The following SNRPN variants were observed in gnomAD, a reference collection of about 807,000 sequenced individuals.
The protein encoded by SNRPN is small nuclear ribonucleoprotein-associated protein N.
In SNRPN, 7 loss-of-function variants were observed where a neutral mutation model predicts 25.2. The ratio of observed to expected loss-of-function variants is 0.28; its 90% confidence interval spans 0.16 to 0.52. The LOEUF is 0.52. SNRPN is among the 20% of genes least tolerant of loss of function. The probability of loss-of-function intolerance (pLI) is 0.96; values close to 1 mark genes in which losing one functional copy is unlikely to be tolerated. For synonymous variants in SNRPN, 124 were observed against 110.6 expected, an observed-to-expected ratio of 1.12 and a Z score of -0.76; for missense variants, 196 against 322.5, an observed-to-expected ratio of 0.61 and a Z score of 3.00.
At chr15:24,956,206 T>C (rs933093873) in intron 1 of SNRPN, among the ~76,000 whole-genome samples, 3 of 152,060 alleles carry the variant, frequency 2.0e-5, no homozygotes, top group Non-Finnish European at 2.9e-5. Flanking sequence ...TGGGGGTTAC[T>C]TTTTTTTCAT....
intron 3 of SNRPN, among the ~76,000 whole-genome samples, chr15:24,943,566 AC>A (rs2061692916): frequency 6.6e-6 from 1 of 152,092 alleles, no homozygotes; most frequent in South Asian, 2.1e-4. Context: ...GTAAGATAAC[AC>A]CCAGTTCATG....
chr15:24,872,521 G>A (rs185379901), intron 1 of SNRPN, among the ~76,000 whole-genome samples: 2 of 118,434 alleles, frequency 1.7e-5, no homozygotes, highest in Non-Finnish European at 3.7e-5. Flanking sequence ...CAAGGCGGGC[G>A]GATCACCTGA....
At chr15:24,888,651 C>T (rs192545191) in intron 2 of SNRPN, among the ~76,000 whole-genome samples, 1 of 152,254 alleles carries the variant, frequency 6.6e-6, no homozygotes, top group Admixed American at 6.5e-5. Context: ...AAGCATCAAT[C>T]AGCCAGGGAG....
intron 1 of SNRPN, among the ~76,000 whole-genome samples, chr15:24,960,607 G>A (rs536439913): frequency 6.6e-6 from 1 of 152,134 alleles, no homozygotes; most frequent in East Asian, 1.9e-4. Flanking sequence ...TGCCTCATTG[G>A]GATTTTGATT....
At chr15:24,923,922 CATTTT>C (rs1566917530) in intron 3 of SNRPN, among the ~76,000 whole-genome samples, 2 of 14,812 alleles carry the variant, frequency 1.4e-4, no homozygotes, top group African/African-American at 3.9e-4. Context: ...TGTATATAAA[CATTTT>C]TTTTTTTTTT....
intron 2 of SNRPN, among the ~76,000 whole-genome samples, chr15:24,897,260 C>T (rs1356376312): frequency 1.3e-5 from 2 of 152,184 alleles, no homozygotes; most frequent in Non-Finnish European, 2.9e-5. Flanking sequence ...CACTGACCCA[C>T]AGGAATGGAG....
At chr15:24,913,317 C>T in intron 2 of SNRPN, among the ~76,000 whole-genome samples, 1 of 152,094 alleles carries the variant, frequency 6.6e-6, no homozygotes, top group Admixed American at 6.6e-5. Context: ...AATATTCTAT[C>T]TCAGGGAGTT....
In SNRPN at chr15:24,900,496, C is replaced by G. The variant is rs147124565; in HGVS notation, c.-505+13907C>G. 3.1e-3 allele frequency among the ~76,000 whole-genome samples: 477 copies of G among 152,214 alleles called. 2 individuals are homozygous for G. The highest frequency in any genetic ancestry group is 0.011 in the African/African-American group (448 of 41,522). ...TATTGTTTGAAGAAAATATCTTTCC[C>G]TTGCACAAAAGCTGGGTTAGATACC... On this transcript the variant is annotated intron_variant, in intron 2 of 11. Transcript: ENST00000400097.
chr15:24,850,462 C>CA (rs1304451417), intron 2 of SNRPN: 10 of 152,280 alleles, frequency 6.6e-5, no homozygotes, highest in Admixed American at 6.5e-4. Context: ...AGGCGGCTGC[C>CA]ACCACACCCA....
intron 2 of SNRPN, among the ~76,000 whole-genome samples, chr15:24,908,584 G>A (rs576926984): frequency 1.3e-5 from 1 of 75,952 alleles, no homozygotes. Context: ...AGTGGCAGAG[G>A]ATTTGTTCCT....
intron 4 of SNRPN, chr15:24,974,801 C>T (rs749915715): frequency 6.3e-6 from 4 of 639,384 alleles, no homozygotes; most frequent in Non-Finnish European, 1.1e-5. Flanking sequence ...TCTGGTGATC[C>T]ACCCACCTCG....
intron 3 of SNRPN, among the ~76,000 whole-genome samples, chr15:24,927,119 C>T (rs2060434315): frequency 6.6e-6 from 1 of 151,850 alleles, no homozygotes; most frequent in Admixed American, 6.6e-5. Flanking sequence ...TTTCATTTCT[C>T]CCCCTTTTCT....
chr15:24,855,760 C>G (rs976963172), upstream of SNRPN, among the ~76,000 whole-genome samples: 2 of 144,932 alleles, frequency 1.4e-5, no homozygotes, highest in Non-Finnish European at 3.0e-5. Context: ...CCATTGCACT[C>G]CAGCCTGGGC....
intron 2 of SNRPN, among the ~76,000 whole-genome samples, chr15:24,906,995 C>A (rs1239951785): frequency 6.6e-6 from 1 of 151,456 alleles, no homozygotes; most frequent in Non-Finnish European, 1.5e-5. Flanking sequence ...CAGTTAGGGG[C>A]TTGAAGGGGG....
In SNRPN at chr15:24,976,368, T is replaced by A; in HGVS notation, c.219T>A (p.Arg73=). 1.2e-6 allele frequency: 2 copies of A among 1,613,344 alleles called. No individual in the cohort carries two copies. Among genetic ancestry groups the A allele is most frequent in the Non-Finnish European group, 1.7e-6 (2 of 1,179,830 alleles). The change falls in exon 6 of 10, where the codon CGT becomes CGA. Residue 73 remains arginine, a synonymous_variant. Coordinates refer to ENST00000390687, the MANE Select transcript of SNRPN (RefSeq NM_003097.6). The part of the protein sequence containing the change: ...EKRVLGLVLL[R]GENLVSMTVE... ...GGGTTTTGGGTCTGGTGTTGCTGCG[T>A]GGGGAGAACTTGGTATCCATGACTG...
At chr15:24,876,073 C>CA (rs1174300096) in intron 1 of SNRPN, among the ~76,000 whole-genome samples, 2,269 of 150,484 alleles carry the variant, frequency 0.015, 69 homozygotes, top group African/African-American at 0.052. Context: ...AGAAAAAAAA[C>CA]AAAAAAAATA....
At chr15:24,871,833 C>T (rs1233304814) in intron 1 of SNRPN, among the ~76,000 whole-genome samples, 1 of 125,424 alleles carries the variant, frequency 8.0e-6, no homozygotes, top group East Asian at 2.8e-4. Context: ...GCCTCCCAAG[C>T]AGCTGGGACT....
intron 1 of SNRPN, among the ~76,000 whole-genome samples, chr15:24,863,999 TTTTA>T (rs1555383863): frequency 8.1e-5 from 12 of 148,840 alleles, no homozygotes; most frequent in South Asian, 4.2e-4. Flanking sequence ...CTTTTTTAAA[TTTTA>T]TTTATTTATT....
chr15:24,918,949 C>T (rs1306008732), intron 2 of SNRPN, among the ~76,000 whole-genome samples: 1 of 95,144 alleles, frequency 1.1e-5, no homozygotes, highest in Non-Finnish European at 2.0e-5. Context: ...ATATATATAA[C>T]ATAATATATA....
Sources: allele counts gnomAD v4.1 joint callset (sites outside exome capture counted in the v4.1 genomes callset), GRCh38; gene constraint gnomAD v4.1.1; transcripts MANE v1.5; gene names NCBI Gene and HGNC (gene_info 2026-07-23, HGNC 2026-07-21).